The following GTF2F2 variants were observed in gnomAD, a reference collection of about 807,000 sequenced individuals.
The protein encoded by GTF2F2 is ATP-dependent helicase GTF2F2.
In GTF2F2, 23 loss-of-function variants were observed where a neutral mutation model predicts 42.2. The observed-to-expected ratio is 0.55, with a 90% confidence interval of 0.39 to 0.77. GTF2F2 has a LOEUF of 0.77. Among genes scored for constraint, GTF2F2 ranks in the 30% least tolerant of loss-of-function variants. The pLI, the probability that GTF2F2 is intolerant of heterozygous loss-of-function variation, is 0.00. For synonymous variants in GTF2F2, 105 were observed against 100.8 expected (o/e 1.04, Z -0.25); for missense variants, 261 against 287.2 (o/e 0.91, Z 0.66).
At chr13:45,145,566 A>G (rs1870150904) in intron 2 of GTF2F2, among the ~76,000 whole-genome samples, 1 of 152,188 alleles carries the variant, frequency 6.6e-6, no homozygotes, top group African/African-American at 2.4e-5. Flanking sequence ...CTATATTTAC[A>G]TATATTGAAA....
intron 2 of GTF2F2, among the ~76,000 whole-genome samples, chr13:45,143,668 G>A (rs1165582077): frequency 2.0e-5 from 3 of 152,146 alleles, no homozygotes; most frequent in Non-Finnish European, 2.9e-5. Context: ...TCTGTATGGC[G>A]TGGCTGCTTA....
intron 6 of GTF2F2, among the ~76,000 whole-genome samples, chr13:45,260,864 T>A (rs1326923429): frequency 2.0e-5 from 3 of 152,056 alleles, no homozygotes; most frequent in Non-Finnish European, 4.4e-5. Flanking sequence ...ACCTACCTCT[T>A]CAAAAAAATT....
intron 5 of GTF2F2, among the ~76,000 whole-genome samples, chr13:45,250,801 C>T (rs1875847741): frequency 1.3e-5 from 2 of 152,096 alleles, no homozygotes; most frequent in Admixed American, 6.5e-5. Context: ...TAAATCCATC[C>T]TTGGGTTGCA....
At chr13:45,265,603 A>G (rs775930341) in intron 6 of GTF2F2, among the ~76,000 whole-genome samples, 10 of 152,158 alleles carry the variant, frequency 6.6e-5, no homozygotes, top group Non-Finnish European at 1.3e-4. Context: ...CTCACTCCCA[A>G]CTTTATTTAA....
At chr13:45,151,638 A>G in intron 3 of GTF2F2, 49 bp from the exon 4 acceptor site, 1 of 1,193,412 alleles carries the variant, frequency 8.4e-7, no homozygotes, top group Non-Finnish European at 1.2e-6. Flanking sequence ...ATATATATAT[A>G]GTTTGAATAC....
intron 1 of GTF2F2, among the ~76,000 whole-genome samples, chr13:45,122,137 G>A (rs1047552388): frequency 1.3e-5 from 2 of 152,196 alleles, no homozygotes; most frequent in African/African-American, 4.8e-5. Context: ...GAAGATCTGT[G>A]TAGATGAAGA....
In GTF2F2 at chr13:45,284,053, C is replaced by T. The variant is rs374618867; in HGVS notation, c.*492C>T. On this transcript the variant is annotated 3_prime_UTR_variant, in exon 8 of 8. Coordinates refer to ENST00000340473, the MANE Select transcript of GTF2F2 (RefSeq NM_004128.3). Reference sequence around the variant, plus strand: ...GGTGTTTTTCTTTTAAACAGGTGATCACGTTTCGTGTTCATACTCAACGTT... The same window carrying T: ...GGTGTTTTTCTTTTAAACAGGTGATTACGTTTCGTGTTCATACTCAACGTT... 12 of 152,258 alleles carry T rather than the reference C, an allele frequency of 7.9e-5. No homozygotes were observed. The highest frequency in any genetic ancestry group is 2.9e-4 in the African/African-American group (12 of 41,540). 9.4% of individuals were successfully genotyped at this position (152,258 alleles called of 1,614,324 possible).
chr13:45,209,543 G>A (rs1043684950), intron 5 of GTF2F2, among the ~76,000 whole-genome samples: 3 of 152,142 alleles, frequency 2.0e-5, no homozygotes, highest in African/African-American at 7.2e-5. Context: ...TTTTGACCAA[G>A]TGGAGAAAGA....
intron 7 of GTF2F2, 44 bp downstream of exon 7, chr13:45,267,420 A>G: frequency 2.3e-6 from 3 of 1,329,822 alleles, no homozygotes; most frequent in Non-Finnish European, 3.1e-6. Context: ...GCCCTCCTTC[A>G]TTAACACGAC....
chr13:45,259,003 G>A (rs775381951), intron 6 of GTF2F2, among the ~76,000 whole-genome samples: 1 of 152,110 alleles, frequency 6.6e-6, no homozygotes, highest in Non-Finnish European at 1.5e-5. Context: ...ATTCTTTTAT[G>A]TATTTCATGG....
chr13:45,242,790 G>A (rs1394380216), intron 5 of GTF2F2, among the ~76,000 whole-genome samples: 2 of 152,132 alleles, frequency 1.3e-5, no homozygotes, highest in African/African-American at 4.8e-5. Flanking sequence ...AATATTTATT[G>A]AGTTGCTATT....
intron 4 of GTF2F2, among the ~76,000 whole-genome samples, chr13:45,182,033 G>GGA (rs1162725203): frequency 6.6e-6 from 1 of 152,124 alleles, no homozygotes; most frequent in African/African-American, 2.4e-5. Context: ...CCCTCTCTCT[G>GGA]GAGGTAGCTC....
intron 5 of GTF2F2, among the ~76,000 whole-genome samples, chr13:45,212,540 T>TC (rs1873728477): frequency 3.2e-5 from 4 of 125,738 alleles, no homozygotes; most frequent in African/African-American, 1.2e-4. Context: ...CTTTCTCACT[T>TC]TCTCTCTCTC....
intron 5 of GTF2F2, among the ~76,000 whole-genome samples, chr13:45,239,517 A>G (rs1875172947): frequency 2.0e-5 from 3 of 152,234 alleles, no homozygotes; most frequent in Non-Finnish European, 4.4e-5. Flanking sequence ...AGGCACAAAA[A>G]GACTCCATTA....
At chr13:45,184,039 A>T (rs1246046328) in intron 4 of GTF2F2, among the ~76,000 whole-genome samples, 1 of 151,804 alleles carries the variant, frequency 6.6e-6, no homozygotes, top group African/African-American at 2.4e-5. Flanking sequence ...TATTTTTTTT[A>T]GAAGAGACAG....
chr13:45,242,818 C>T (rs774780875), intron 5 of GTF2F2, among the ~76,000 whole-genome samples: 18 of 152,144 alleles, frequency 1.2e-4, no homozygotes, highest in South Asian at 2.1e-4. Flanking sequence ...AAATGCTGTA[C>T]TTAGAAATGA....
rs1359091924 is a variant in GTF2F2 at position 45,263,250 on chromosome 13, C to T, written c.487-3983C>T. On this transcript the variant is annotated intron_variant, in intron 6 of 7. Coordinates refer to ENST00000340473, the MANE Select transcript of GTF2F2 (RefSeq NM_004128.3). ...GACTAAATTTTTTTTTTTTTTGAGA[C>T]GGAGTCTCACTCTGTCACCCAGGCT... is the stretch of plus-strand genomic sequence containing the variant. Among the ~76,000 whole-genome samples the T allele has an allele frequency of 3.6e-4, 53 of 148,754 alleles. 1 individual carries two copies. The highest frequency in any genetic ancestry group is 2.3e-3 in the Admixed American group (34 of 14,924).
intron 4 of GTF2F2, among the ~76,000 whole-genome samples, chr13:45,189,459 A>C (rs1297919780): frequency 6.6e-6 from 1 of 152,182 alleles, no homozygotes; most frequent in Non-Finnish European, 1.5e-5. Context: ...CTAGTTCTAG[A>C]TCCTTGAGGA....
At chr13:45,125,386 C>A (rs1357432441) in intron 1 of GTF2F2, among the ~76,000 whole-genome samples, 2 of 151,962 alleles carry the variant, frequency 1.3e-5, no homozygotes, top group East Asian at 3.9e-4. Flanking sequence ...GTGGCGCAAT[C>A]TTGGCTCACT....
Sources: gnomAD v4.1 joint callset for allele counts (sites outside exome capture counted in the v4.1 genomes callset) on GRCh38, gnomAD v4.1.1 for gene constraint, MANE v1.5 for transcripts, NCBI Gene and HGNC (gene_info 2026-07-23, HGNC 2026-07-21) for gene names.